RGS6: variants seen among roughly 807,000 people sequenced by gnomAD.
RGS6 encodes the protein regulator of G protein signaling 6.
A neutral mutation model predicts 78.5 loss-of-function variants in RGS6; 30 were observed. The observed-to-expected ratio is 0.38, with a 90% confidence interval of 0.29 to 0.52. The LOEUF (loss-of-function observed/expected upper bound fraction) is 0.52, where lower values mean the gene tolerates loss of function less well. RGS6 is among the 20% of genes least tolerant of loss of function. RGS6 has a pLI of 0.85. For synonymous variants in RGS6, 206 were observed against 206.0 expected (o/e 1.00, Z 0.00); for missense variants, 495 against 609.7 (o/e 0.81, Z 1.98).
chr14:71,941,452 G>A (rs956819489), intron 1 of RGS6, among the ~76,000 whole-genome samples: 1 of 152,138 alleles, frequency 6.6e-6, no homozygotes, highest in African/African-American at 2.4e-5. Context: ...ATCTGTATTA[G>A]GTTTCTCTTA....
rs375078146 is a variant in RGS6 at position 72,481,703 on chromosome 14, G to C, written c.854+3374G>C. ...CTGGAAGCAACACAAAAGGCTTTCT[G>C]AGCTGTTACCCAATTTTTGTTGCAG... On this transcript the variant is annotated intron_variant, in intron 12 of 17. Coordinates refer to ENST00000553525, the MANE Select transcript of RGS6 (RefSeq NM_001204424.2). Among the ~76,000 whole-genome samples the C allele has an allele frequency of 4.7e-4, 72 of 152,112 alleles. 1 individual carries two copies. Among genetic ancestry groups the C allele is most frequent in the African/African-American group, 1.7e-3 (72 of 41,490 alleles).
chr14:71,961,899 A>C (rs2093229890), intron 1 of RGS6, among the ~76,000 whole-genome samples: 1 of 152,208 alleles, frequency 6.6e-6, no homozygotes, highest in Non-Finnish European at 1.5e-5. Flanking sequence ...ATTTAAAAGA[A>C]GTATTTTACA....
At chr14:72,020,650 A>T (rs1038831519) in intron 2 of RGS6, among the ~76,000 whole-genome samples, 2 of 152,230 alleles carry the variant, frequency 1.3e-5, no homozygotes, top group African/African-American at 4.8e-5. Context: ...ATAAGCACGA[A>T]TACTTACTGA....
rs568192940 is a variant in RGS6, at chr14:72,139,222, G to C, written c.84+174347G>C. 2.6e-5 allele frequency among the ~76,000 whole-genome samples: 4 copies of C among 152,330 alleles called. No homozygotes were observed. In the South Asian group the frequency reaches 8.3e-4, roughly 32 times the overall value. On this transcript the variant is annotated intron_variant, in intron 2 of 17. Coordinates refer to ENST00000553525, the MANE Select transcript of RGS6 (RefSeq NM_001204424.2). ...GGTCCTGGCTGCCATGCATTGAGCA[G>C]ATAGTTCCTGTGGTAAGACCTGCTG... is the stretch of plus-strand genomic sequence containing the variant.
intron 2 of RGS6, among the ~76,000 whole-genome samples, chr14:72,188,806 G>A (rs935608467): frequency 6.6e-6 from 1 of 152,118 alleles, no homozygotes; most frequent in Non-Finnish European, 1.5e-5. Context: ...CATTGCTCAC[G>A]ACACCAATGT....
At chr14:72,177,499 T>C (rs1036805430) in intron 2 of RGS6, among the ~76,000 whole-genome samples, 1 of 152,216 alleles carries the variant, frequency 6.6e-6, no homozygotes, top group African/African-American at 2.4e-5. Flanking sequence ...TAAGAATAAC[T>C]TTTTACTACA....
intron 2 of RGS6, among the ~76,000 whole-genome samples, chr14:72,232,043 TAGA>T (rs770345724): frequency 4.6e-5 from 7 of 152,118 alleles, no homozygotes; most frequent in Non-Finnish European, 1.0e-4. Flanking sequence ...AGGACAAGGA[TAGA>T]AGAAGGAGAC....
the RGS6 span, among the ~76,000 whole-genome samples, chr14:72,614,777 G>GAAAAAAAACAAA: frequency 2.1e-5 from 2 of 96,068 alleles, no homozygotes; most frequent in African/African-American, 9.3e-5. Context: ...ACAAGCCTCA[G>GAAAAAAAACAAA]AAAAAAAAAA....
chr14:72,311,751 T>G (rs1029687291), intron 2 of RGS6, among the ~76,000 whole-genome samples: 5 of 152,226 alleles, frequency 3.3e-5, no homozygotes, highest in African/African-American at 1.2e-4. Context: ...CTGTTGGGTT[T>G]TATTGCCATC....
chr14:72,621,797 G>T, the RGS6 span, among the ~76,000 whole-genome samples: 4 of 152,210 alleles, frequency 2.6e-5, no homozygotes, highest in African/African-American at 9.7e-5. Flanking sequence ...GATTAGATGG[G>T]GAGAGTGATA....
intron 3 of RGS6, among the ~76,000 whole-genome samples, chr14:72,405,609 T>C (rs2092847265): frequency 6.6e-6 from 1 of 152,214 alleles, no homozygotes; most frequent in African/African-American, 2.4e-5. Context: ...AATCTTTATA[T>C]ATGTATATTT....
In RGS6 at chr14:72,564,237, A is replaced by T. The variant is rs538132394; in HGVS notation, c.*1770A>T. 1.3e-5 allele frequency: 2 copies of T among 152,358 alleles called. No individual in the cohort carries two copies. Among genetic ancestry groups the T allele is most frequent in the South Asian group, 4.1e-4 (2 of 4,830 alleles). 9.4% of individuals were successfully genotyped at this position (152,358 alleles called of 1,614,324 possible). ...CCATGCCCAAGTTTCCCCCACTGGC[A>T]ATGGTTCCTCTCTTGGAGGTACAGT... On this transcript the variant is annotated 3_prime_UTR_variant, in exon 18 of 18. Coordinates refer to ENST00000553525, the MANE Select transcript of RGS6 (RefSeq NM_001204424.2).
chr14:72,606,790 G>A, the RGS6 span, among the ~76,000 whole-genome samples: 120 of 152,204 alleles, frequency 7.9e-4, no homozygotes, highest in East Asian at 0.012. Flanking sequence ...CCCTCCCAGC[G>A]GTAGGTAATG....
chr14:72,362,889 G>A (rs847330), intron 3 of RGS6, among the ~76,000 whole-genome samples: 61,558 of 151,986 alleles, frequency 0.41, 15,257 homozygotes, highest in African/African-American at 0.71. Context: ...ATTGAGAACC[G>A]GACCTTAAAC....
chr14:72,006,557 C>G (rs755708775), intron 2 of RGS6, among the ~76,000 whole-genome samples: 1 of 152,214 alleles, frequency 6.6e-6, no homozygotes, highest in South Asian at 2.1e-4. Flanking sequence ...TGGCCACACA[C>G]ATGTGAGTGA....
intron 2 of RGS6, among the ~76,000 whole-genome samples, chr14:72,044,618 C>CCCAG (rs1366702985): frequency 6.6e-6 from 1 of 152,168 alleles, no homozygotes; most frequent in African/African-American, 2.4e-5. Context: ...TGCCTGTAAT[C>CCCAG]CCAGCACTTT....
intron 3 of RGS6, among the ~76,000 whole-genome samples, chr14:72,353,982 T>C (rs1187518125): frequency 6.7e-6 from 1 of 148,668 alleles, no homozygotes; most frequent in East Asian, 2.0e-4. Context: ...AGACTCTGTC[T>C]CAGCAACAAC....
At chr14:71,953,637 C>G (rs935088460) in intron 1 of RGS6, among the ~76,000 whole-genome samples, 1 of 151,864 alleles carries the variant, frequency 6.6e-6, no homozygotes, top group African/African-American at 2.4e-5. Flanking sequence ...CTGTGTTAGG[C>G]ATTCATATGC....
intron 15 of RGS6, among the ~76,000 whole-genome samples, chr14:72,533,953 A>G (rs754401591): frequency 3.9e-5 from 6 of 152,256 alleles, no homozygotes; most frequent in Non-Finnish European, 8.8e-5. Context: ...AACTTAGTTG[A>G]TAAAGCAGCA....
Sources: allele counts gnomAD v4.1 joint callset (sites outside exome capture counted in the v4.1 genomes callset), GRCh38; gene constraint gnomAD v4.1.1; transcripts MANE v1.5; gene names NCBI Gene and HGNC (gene_info 2026-07-23, HGNC 2026-07-21).